The following LUZP2 variants were observed in gnomAD, a reference collection of about 807,000 sequenced individuals.
LUZP2 encodes the protein leucine zipper protein 2.
Under a neutral mutation model 51.6 loss-of-function variants are expected in LUZP2, and 52 were observed. The ratio of observed to expected loss-of-function variants is 1.01; its 90% confidence interval spans 0.81 to 1.27. The LOEUF is 1.27. Ranked by LOEUF, LUZP2 falls within the 50% of genes most tolerant of loss-of-function variation. LUZP2 has a pLI of 0.00. For missense variants in LUZP2, 436 were observed against 395.4 expected, an observed-to-expected ratio of 1.10 and a Z score of -0.87; for synonymous variants, 154 against 137.3, an observed-to-expected ratio of 1.12 and a Z score of -0.85.
intron 9 of LUZP2, among the ~76,000 whole-genome samples, chr11:24,987,118 T>A (rs1385283445): frequency 1.3e-4 from 20 of 151,868 alleles, no homozygotes; most frequent in Admixed American, 1.3e-3. Context: ...AACATTAGCA[T>A]ATGTTGTGGT....
chr11:24,631,573 AT>A (rs2133927359), intron 1 of LUZP2, among the ~76,000 whole-genome samples: 1 of 151,844 alleles, frequency 6.6e-6, no homozygotes, highest in African/African-American at 2.4e-5. Flanking sequence ...GTAGTGTTAC[AT>A]TTTTGATGTG....
chr11:24,831,603 T>A (rs534356047), intron 5 of LUZP2, among the ~76,000 whole-genome samples: 347 of 152,336 alleles, frequency 2.3e-3, no homozygotes, highest in Non-Finnish European at 3.9e-3. Flanking sequence ...TAAAATTACA[T>A]ATAATGAAGA....
intron 5 of LUZP2, among the ~76,000 whole-genome samples, chr11:24,851,040 C>A (rs1851379777): frequency 6.6e-6 from 1 of 152,186 alleles, no homozygotes; most frequent in South Asian, 2.1e-4. Context: ...TCTAAATATA[C>A]AATCATGTCA....
At chr11:24,867,495 G>T (rs990488282) in intron 5 of LUZP2, among the ~76,000 whole-genome samples, 2 of 152,124 alleles carry the variant, frequency 1.3e-5, no homozygotes, top group Non-Finnish European at 2.9e-5. Flanking sequence ...AACTGCTGCA[G>T]TTGACCTACC....
rs143076386 is a variant in LUZP2 at position 24,829,962 on chromosome 11, T to C, written c.396+66654T>C. On this transcript the variant is annotated intron_variant, in intron 5 of 11. Transcript: ENST00000336930. ...CCTGCTGTCTGTGTTGGTCGATCCA[T>C]GAGAGATAGGGTAACAGTGATGTTT... Among the ~76,000 whole-genome samples the C allele has an allele frequency of 3.6e-3, 543 of 152,302 alleles. 2 individuals are homozygous for C. Among genetic ancestry groups the C allele is most frequent in the African/African-American group, 0.012 (512 of 41,572 alleles).
chr11:24,546,702 A>C (rs968117573), intron 1 of LUZP2, among the ~76,000 whole-genome samples: 1 of 152,014 alleles, frequency 6.6e-6, no homozygotes, highest in Admixed American at 6.6e-5. Flanking sequence ...TTTTGCATCA[A>C]TGTTCATCAA....
chr11:25,036,486 T>A (rs1857865613), intron 9 of LUZP2, among the ~76,000 whole-genome samples: 1 of 151,978 alleles, frequency 6.6e-6, no homozygotes, highest in Admixed American at 6.6e-5. Context: ...TTCTCTAGTT[T>A]TAGTTATTTC....
chr11:24,995,883 A>G (rs1856480626), intron 9 of LUZP2, among the ~76,000 whole-genome samples: 2 of 151,970 alleles, frequency 1.3e-5, no homozygotes, highest in South Asian at 4.1e-4. Context: ...AGGGAGAAAA[A>G]AGTCATTCTA....
In LUZP2 at chr11:24,863,703, A is replaced by G. The variant is rs1851805667; in HGVS notation, c.397-42288A>G. Reference sequence around the variant, plus strand: ...TACTCTTTAAATGGTTAAACTTCATATTATATAAATTGCATCTAAATAAAG... The same window carrying G: ...TACTCTTTAAATGGTTAAACTTCATGTTATATAAATTGCATCTAAATAAAG... On this transcript the variant is annotated intron_variant, in intron 5 of 11. Coordinates refer to ENST00000336930, the MANE Select transcript of LUZP2 (RefSeq NM_001009909.4). Among the ~76,000 whole-genome samples the G allele has an allele frequency of 2.6e-5, 4 of 152,196 alleles. No individual in the cohort carries two copies. The South Asian group carries it at 8.3e-4, about 31-fold the overall frequency.
chr11:24,906,087 A>G (rs750590825), intron 6 of LUZP2, 34 bp downstream of exon 6: 1 of 1,502,100 alleles, frequency 6.7e-7, no homozygotes, highest in South Asian at 1.1e-5. Flanking sequence ...AGCTTTAACC[A>G]GATAAAAACA....
intron 1 of LUZP2, among the ~76,000 whole-genome samples, chr11:24,529,713 A>G (rs1850936029): frequency 6.6e-6 from 1 of 151,002 alleles, no homozygotes; most frequent in African/African-American, 2.4e-5. Flanking sequence ...CATTTAATAG[A>G]GCAAAAGAAT....
At chr11:24,963,586 C>T (rs113589083) in intron 7 of LUZP2, among the ~76,000 whole-genome samples, 1,931 of 138,030 alleles carry the variant, frequency 0.014, 16 homozygotes, top group Middle Eastern at 0.055. Context: ...GGGATATAAT[C>T]TCCTGGTGCG....
intron 4 of LUZP2, among the ~76,000 whole-genome samples, chr11:24,750,825 G>C (rs1859551792): frequency 6.6e-6 from 1 of 151,980 alleles, no homozygotes; most frequent in Non-Finnish European, 1.5e-5. Flanking sequence ...TCCATATACT[G>C]TCAACCAAGA....
chr11:24,880,889 T>C (rs1852443049), intron 5 of LUZP2, among the ~76,000 whole-genome samples: 1 of 152,186 alleles, frequency 6.6e-6, no homozygotes, highest in African/African-American at 2.4e-5. Flanking sequence ...TCTGGCACTA[T>C]TGCAGGCAGT....
At chr11:24,901,769 G>A (rs10767274) in intron 5 of LUZP2, among the ~76,000 whole-genome samples, 82,801 of 151,424 alleles carry the variant, frequency 0.55, 22,884 homozygotes, top group East Asian at 0.73. Context: ...CCCATTAGTA[G>A]TTTTCTATCC....
chr11:25,009,522 A>C (rs1856925273), intron 9 of LUZP2, among the ~76,000 whole-genome samples: 1 of 152,200 alleles, frequency 6.6e-6, no homozygotes, highest in Admixed American at 6.5e-5. Context: ...ACTAAAGAAA[A>C]CATACAAGTA....
intron 5 of LUZP2, among the ~76,000 whole-genome samples, chr11:24,792,570 T>C (rs1441297149): frequency 1.3e-5 from 2 of 152,200 alleles, no homozygotes; most frequent in Admixed American, 1.3e-4. Flanking sequence ...TACGGCACTG[T>C]TATAATCTCT....
chr11:24,926,956 A>G (rs1321981402), intron 7 of LUZP2, among the ~76,000 whole-genome samples: 4 of 151,782 alleles, frequency 2.6e-5, no homozygotes, highest in African/African-American at 7.3e-5. Context: ...AAGTAGTATC[A>G]CAGTATCACA....
chr11:24,926,639 A>ATATATATATATGTGTGTG (rs1854281558), intron 7 of LUZP2, among the ~76,000 whole-genome samples: 1 of 126,500 alleles, frequency 7.9e-6, no homozygotes, highest in Non-Finnish European at 1.6e-5. Flanking sequence ...GTATATATGT[A>ATATATATATATGTGTGTG]TATATATATA....
Sources: allele counts gnomAD v4.1 joint callset (sites outside exome capture counted in the v4.1 genomes callset), GRCh38; gene constraint gnomAD v4.1.1; transcripts MANE v1.5; gene names NCBI Gene and HGNC (gene_info 2026-07-23, HGNC 2026-07-21).